Variants in THSD7B observed in about 807,000 individuals in gnomAD.
The protein encoded by THSD7B is thrombospondin type 1 domain containing 7B.
In THSD7B, 138 loss-of-function variants were observed where a neutral mutation model predicts 213.6. The ratio of observed to expected loss-of-function variants is 0.65; its 90% CI spans 0.56 to 0.74. The LOEUF (loss-of-function observed/expected upper bound fraction) is 0.74, where lower values mean the gene tolerates loss of function less well. THSD7B is among the 30% of genes least tolerant of loss of function. THSD7B has a pLI of 0.00. For synonymous variants in THSD7B, 742 were observed against 687.0 expected (o/e 1.08, Z -1.25); for missense variants, 1,931 against 1,991.5 (o/e 0.97, Z 0.58).
intron 2 of THSD7B, among the ~76,000 whole-genome samples, chr2:136,986,553 G>T (rs1303188659): frequency 6.6e-6 from 1 of 152,178 alleles, no homozygotes; most frequent in Non-Finnish European, 1.5e-5. Context: ...CTTTATAAAT[G>T]ATGCAGCCTC....
chr2:137,439,672 A>G (rs1687361254), intron 14 of THSD7B, among the ~76,000 whole-genome samples: 1 of 152,090 alleles, frequency 6.6e-6, no homozygotes, highest in Non-Finnish European at 1.5e-5. Flanking sequence ...AGTTCAAAGG[A>G]TTTTATGGTA....
chr2:136,968,833 A>C (rs532921361), intron 2 of THSD7B, among the ~76,000 whole-genome samples: 12 of 152,188 alleles, frequency 7.9e-5, no homozygotes, highest in Admixed American at 2.6e-4. Flanking sequence ...CTCCTCTCCC[A>C]TCTGTCTAAC....
intron 5 of THSD7B, among the ~76,000 whole-genome samples, chr2:137,117,482 T>TTA (rs1688465372): frequency 6.6e-6 from 1 of 152,176 alleles, no homozygotes; most frequent in South Asian, 2.1e-4. Context: ...ATTATTGTTG[T>TTA]TATGTTAGAT....
At chr2:137,097,596 T>C (rs1688062279) in intron 4 of THSD7B, among the ~76,000 whole-genome samples, 1 of 152,164 alleles carries the variant, frequency 6.6e-6, no homozygotes, top group Non-Finnish European at 1.5e-5. Context: ...GTGTGCATCA[T>C]ATTTTTTTCA....
intron 10 of THSD7B, among the ~76,000 whole-genome samples, chr2:137,258,532 C>G (rs1673670847): frequency 6.6e-6 from 1 of 152,032 alleles, no homozygotes; most frequent in Non-Finnish European, 1.5e-5. Context: ...CAAGTTCTTA[C>G]TCAAATATTC....
At chr2:137,385,421 C>T (rs956856239) in intron 12 of THSD7B, among the ~76,000 whole-genome samples, 3 of 152,294 alleles carry the variant, frequency 2.0e-5, no homozygotes, top group Admixed American at 2.0e-4. Flanking sequence ...GGCAAGGAAT[C>T]ACAAGGCAGA....
intron 12 of THSD7B, among the ~76,000 whole-genome samples, chr2:137,386,040 G>A (rs1472475119): frequency 6.6e-6 from 1 of 152,146 alleles, no homozygotes; most frequent in African/African-American, 2.4e-5. Flanking sequence ...TATCAAAGGG[G>A]AATTTAGAAG....
chr2:137,267,111 G>A (rs1356719201), intron 10 of THSD7B, among the ~76,000 whole-genome samples: 1 of 152,128 alleles, frequency 6.6e-6, no homozygotes, highest in Non-Finnish European at 1.5e-5. Context: ...TAGCCCATTC[G>A]TGTGCTTTCT....
intron 15 of THSD7B, among the ~76,000 whole-genome samples, chr2:137,516,767 G>T (rs1391374213): frequency 6.6e-6 from 1 of 152,148 alleles, no homozygotes; most frequent in Non-Finnish European, 1.5e-5. Context: ...AGTGGGGTGA[G>T]GGCAATGATG....
rs985524573 is a variant in THSD7B, at chr2:137,566,936, C to A, written c.3272+3582C>A. The stretch of plus-strand genomic sequence containing the variant: ...CACAAACCTAAATATAGTGAGAGAC[C>A]TGAATAAGCATGAAGATCTGTAGAA... On this transcript the variant is annotated intron_variant, in intron 16 of 27. Transcript: ENST00000409968. Among the ~76,000 whole-genome samples the A allele has an allele frequency of 7.9e-5, 12 of 151,966 alleles. 1 individual carries two copies. The highest frequency in any genetic ancestry group is 5.9e-4 in the Admixed American group (9 of 15,250).
At chr2:137,221,565 T>G (rs1573895217) in intron 7 of THSD7B, among the ~76,000 whole-genome samples, 1 of 152,324 alleles carries the variant, frequency 6.6e-6, no homozygotes, top group East Asian at 1.9e-4. Context: ...TTAATGAAGT[T>G]TATGTTTTTT....
chr2:137,619,946 T>G (rs749873375), intron 19 of THSD7B, among the ~76,000 whole-genome samples: 2 of 152,158 alleles, frequency 1.3e-5, no homozygotes, highest in Non-Finnish European at 2.9e-5. Context: ...AGCACAGAAA[T>G]AGTGTGTTAT....
At chr2:136,946,458 C>A (rs541486251) in intron 2 of THSD7B, among the ~76,000 whole-genome samples, 37 of 152,260 alleles carry the variant, frequency 2.4e-4, no homozygotes, top group African/African-American at 8.4e-4. Flanking sequence ...CTTGAGGAGG[C>A]GGTCTCTCCA....
intron 15 of THSD7B, among the ~76,000 whole-genome samples, chr2:137,454,808 C>T (rs534214440): frequency 2.0e-5 from 3 of 152,092 alleles, no homozygotes; most frequent in Admixed American, 6.5e-5. Flanking sequence ...TTAGGTTATT[C>T]GTCTCCTGTC....
intron 1 of THSD7B, among the ~76,000 whole-genome samples, chr2:136,790,603 TA>T (rs1168945536): frequency 6.6e-6 from 1 of 152,110 alleles, no homozygotes; most frequent in Non-Finnish European, 1.5e-5. Context: ...ATTTTCTCCA[TA>T]AAAAGATGAA....
At chr2:136,943,518 T>G (rs1200632272) in intron 2 of THSD7B, among the ~76,000 whole-genome samples, 1 of 152,206 alleles carries the variant, frequency 6.6e-6, no homozygotes, top group East Asian at 1.9e-4. Flanking sequence ...TCCTGGACTT[T>G]TTTTGGTTGG....
chr2:137,440,581 C>A (rs983262268), intron 14 of THSD7B, among the ~76,000 whole-genome samples: 1 of 151,898 alleles, frequency 6.6e-6, no homozygotes, highest in African/African-American at 2.4e-5. Context: ...AGAGGTCCTG[C>A]TATTCAGTTC....
At chr2:137,342,286 AT>A (rs943042797) in intron 12 of THSD7B, among the ~76,000 whole-genome samples, 4 of 149,866 alleles carry the variant, frequency 2.7e-5, no homozygotes, top group Admixed American at 1.3e-4. Flanking sequence ...TGTCCTCTTG[AT>A]TTTTTTTTCC....
chr2:137,599,582 T>A (rs995866422), intron 17 of THSD7B, among the ~76,000 whole-genome samples: 11 of 151,576 alleles, frequency 7.3e-5, no homozygotes, highest in African/African-American at 2.7e-4. Flanking sequence ...GTGTGGCGAT[T>A]CCTCAGGGAT....
Sources: allele counts gnomAD v4.1 joint callset (sites outside exome capture counted in the v4.1 genomes callset), GRCh38; gene constraint gnomAD v4.1.1; transcripts MANE v1.5; gene names NCBI Gene and HGNC (gene_info 2026-07-23, HGNC 2026-07-21).